MYO9B: variants seen among roughly 807,000 people sequenced by gnomAD.
The protein encoded by MYO9B is myosin IXB, also known as unconventional myosin-IXb.
MYO9B carries 71 observed loss-of-function variants against 229.5 expected under a neutral mutation model. The ratio of observed to expected loss-of-function variants is 0.31; its 90% CI spans 0.26 to 0.38. The LOEUF (loss-of-function observed/expected upper bound fraction) is 0.38, where lower values mean the gene tolerates loss of function less well. MYO9B is among the 10% of genes least tolerant of loss of function. MYO9B has a pLI of 1.00. For missense variants in MYO9B, 2,255 were observed against 2,920.5 expected (o/e 0.77, Z 5.25); for synonymous variants, 1,185 against 1,235.8 (o/e 0.96, Z 0.86).
At chr19:17,206,570 G>A in intron 33 of MYO9B, 109 bp from the exon 34 acceptor site, 5 of 1,295,890 alleles carry the variant, frequency 3.9e-6, no homozygotes, top group Non-Finnish European at 5.3e-6. Context: ...ATTCTTGCCT[G>A]GGCACCACAG....
chr19:17,097,586 A>G (rs1457257694), intron 1 of MYO9B, among the ~76,000 whole-genome samples: 1 of 152,110 alleles, frequency 6.6e-6, no homozygotes, highest in African/African-American at 2.4e-5. Context: ...AACCTGGGGG[A>G]AAGTTTTAAG....
rs748920578 is a variant in MYO9B at position 17,206,877 on chromosome 19, G to A, written c.5492+93G>A. The A allele has an allele frequency of 1.8e-5, 24 of 1,320,812 alleles. No individual in the cohort carries two copies. The African/African-American group carries it at 3.2e-4, about 18-fold the overall frequency. 81.8% of individuals were successfully genotyped at this position (1,320,812 alleles called of 1,614,324 possible). A position where few individuals can be genotyped will look rare whatever the true frequency, so the allele number is the denominator to read the frequency against. On this transcript the variant is annotated intron_variant, in intron 34 of 39. Coordinates refer to ENST00000682292, the MANE Select transcript of MYO9B (RefSeq NM_004145.4). ...CCAGGAGGACCCGAGCTGGCGTTCT[G>A]TGGTGGTTTCGAACCAGGATGCAGA...
intron 2 of MYO9B, among the ~76,000 whole-genome samples, chr19:17,128,347 C>T (rs76328240): frequency 0.015 from 2,273 of 152,198 alleles, 45 homozygotes; most frequent in African/African-American, 0.052. Context: ...GCTAGGATCA[C>T]ACCACTGTAC....
intron 3 of MYO9B, among the ~76,000 whole-genome samples, chr19:17,146,155 GTGGATAGATGGATGGA>G (rs746311344): frequency 0.16 from 23,218 of 145,770 alleles, 2,026 homozygotes; most frequent in East Asian, 0.27. Context: ...GAATGGGTGG[GTGGATAGATGGATGGA>G]TGGATGGATG....
intron 2 of MYO9B, among the ~76,000 whole-genome samples, chr19:17,108,498 G>A (rs575077542): frequency 1.5e-4 from 23 of 152,160 alleles, no homozygotes; most frequent in African/African-American, 3.9e-4. Flanking sequence ...TCCCCACCCC[G>A]CAGGTGTGAC....
In MYO9B at chr19:17,200,668, G is replaced by A; in HGVS notation, c.4402G>A (p.Ala1468Thr). The change falls in exon 26 of 40, where the codon GCA becomes ACA. Residue 1468 changes from alanine (A) to threonine (T), a missense_variant. Physicochemically the swap from Ala to Thr is moderately conservative, Grantham distance 58. Transcript: ENST00000682292. ...APSGQQHRHA[A>T]GEKRTKEPGG... is the part of the protein sequence containing the mutation. The stretch of plus-strand genomic sequence containing the variant: ...CTCCGGACAGCAGCATCGCCACGCT[G>A]CAGGTGAGAAGCGCACCAAGGAACC... 2 of 1,613,970 alleles carry A rather than the reference G, an allele frequency of 1.2e-6. 1 individual carries two copies. Among genetic ancestry groups the A allele is most frequent in the Non-Finnish European group, 1.7e-6 (2 of 1,179,854 alleles).
Position 17,209,940 on chromosome 19 carries a change from C to T in MYO9B, c.5748+231C>T, listed in dbSNP as rs76391036. Among the ~76,000 whole-genome samples the T allele has an allele frequency of 4.2e-3, 636 of 152,264 alleles. 5 individuals carry two copies. The highest frequency in any genetic ancestry group is 0.027 in the Middle Eastern group (8 of 294). ...CAGTTCCCCGCCCACTCCTACCACA[C>T]CCTTGGCCACAACCAGCCTGGCTGG... On this transcript the variant is annotated intron_variant, in intron 36 of 39. Coordinates refer to ENST00000682292, the MANE Select transcript of MYO9B (RefSeq NM_004145.4).
At chr19:17,171,057 A>G (rs2072719319) in intron 11 of MYO9B, among the ~76,000 whole-genome samples, 1 of 151,960 alleles carries the variant, frequency 6.6e-6, no homozygotes, top group Admixed American at 6.6e-5. Context: ...ACCTATCTCA[A>G]TGACTGAGGG....
At chr19:17,196,116 GGA>G (rs141426487) in intron 22 of MYO9B, among the ~76,000 whole-genome samples, 5 of 132,204 alleles carry the variant, frequency 3.8e-5, no homozygotes, top group Non-Finnish European at 3.2e-5. Flanking sequence ...AGGGAGGGAG[GGA>G]GAGAGAGAGA....
At chr19:17,202,988 T>C in intron 29 of MYO9B, 105 bp downstream of exon 29, 5 of 1,404,174 alleles carry the variant, frequency 3.6e-6, no homozygotes, top group African/African-American at 1.4e-5. Flanking sequence ...TGCACGCGTA[T>C]GTGTGCGTGG....
At chr19:17,184,060 G>A (rs73012519) in intron 16 of MYO9B, 192 bp downstream of exon 16, 17,890 of 615,766 alleles carry the variant, frequency 0.029, 367 homozygotes, top group Non-Finnish European at 0.036. Flanking sequence ...CAGAAGCAGG[G>A]TCTGAGATGG....
At chr19:17,173,130 C>T (rs1599390891) in intron 13 of MYO9B, among the ~76,000 whole-genome samples, 167 bp downstream of exon 13, 1 of 151,950 alleles carries the variant, frequency 6.6e-6, no homozygotes, top group South Asian at 2.1e-4. Context: ...GAAACTCGAC[C>T]TGCGTGTGTA....
chr19:17,200,227 G>A, intron 24 of MYO9B, 66 bp from the exon 25 acceptor site: 1 of 1,551,796 alleles, frequency 6.4e-7, no homozygotes, highest in Non-Finnish European at 8.7e-7. Context: ...TCCAGTCACA[G>A]GGAGGCTGGG....
intron 20 of MYO9B, among the ~76,000 whole-genome samples, chr19:17,191,675 G>A (rs191689172): frequency 2.0e-5 from 3 of 152,156 alleles, no homozygotes; most frequent in African/African-American, 4.8e-5. Flanking sequence ...GCCTCACCTG[G>A]TGTAAAAAAT....
chr19:17,083,227 G>A (rs2057550963), intron 1 of MYO9B, among the ~76,000 whole-genome samples: 1 of 151,862 alleles, frequency 6.6e-6, no homozygotes, highest in African/African-American at 2.4e-5. Context: ...ATAGAGACAG[G>A]GTTTCACCAT....
intron 2 of MYO9B, among the ~76,000 whole-genome samples, chr19:17,115,811 A>G (rs545075797): frequency 5.9e-5 from 9 of 151,686 alleles, no homozygotes; most frequent in Admixed American, 5.3e-4. Flanking sequence ...CCCCTTCCCA[A>G]ATGTAATGAA....
At chr19:17,155,560 T>C (rs1174550326) in intron 6 of MYO9B, among the ~76,000 whole-genome samples, 2 of 151,208 alleles carry the variant, frequency 1.3e-5, no homozygotes, top group African/African-American at 4.9e-5. Flanking sequence ...GGAAGATCGC[T>C]TGAGACCAGG....
intron 2 of MYO9B, among the ~76,000 whole-genome samples, chr19:17,126,589 A>C (rs963987536): frequency 6.6e-6 from 1 of 152,170 alleles, no homozygotes; most frequent in Admixed American, 6.5e-5. Context: ...GTGTGCCAGG[A>C]AAACGTCATT....
intron 11 of MYO9B, among the ~76,000 whole-genome samples, chr19:17,171,855 G>GC (rs1568284084): frequency 6.6e-6 from 1 of 152,196 alleles, no homozygotes; most frequent in East Asian, 1.9e-4. Flanking sequence ...GATCCCTTGA[G>GC]CCCAGGAGGT....
Sources: allele counts gnomAD v4.1 joint callset (sites outside exome capture counted in the v4.1 genomes callset), GRCh38; gene constraint gnomAD v4.1.1; transcripts MANE v1.5; gene names NCBI Gene and HGNC (gene_info 2026-07-23, HGNC 2026-07-21).